The following SORBS2 variants were observed in gnomAD, a reference collection of about 807,000 sequenced individuals.
The protein encoded by SORBS2 is sorbin and SH3 domain containing 2, also known as sorbin and SH3 domain-containing protein 2.
A neutral mutation model predicts 97.7 loss-of-function variants in SORBS2; 46 were observed. That is an observed-to-expected ratio of 0.47 (90% CI 0.37 to 0.60). The LOEUF (loss-of-function observed/expected upper bound fraction) is 0.60, where lower values mean the gene tolerates loss of function less well. Among genes scored for constraint, SORBS2 ranks in the 20% least tolerant of loss-of-function variants. The pLI is 0.00. For synonymous variants in SORBS2, 476 were observed against 473.4 expected (o/e 1.01, Z -0.07); for missense variants, 1,316 against 1,282.3 (o/e 1.03, Z -0.40).
At chr4:185,593,758 G>C in intron 13 of SORBS2, 128 bp downstream of exon 25, 1 of 662,280 alleles carries the variant, frequency 1.5e-6, no homozygotes, top group Non-Finnish European at 2.7e-6. Context: ...ACAATTTCTC[G>C]TAATTTAAGA....
chr4:185,677,336 T>C, intron 4 of SORBS2: 1 of 1,552,406 alleles, frequency 6.4e-7, no homozygotes, highest in Non-Finnish European at 8.7e-7. Context: ...TGTAGTCCTC[T>C]TGTAGAACTG....
intron 1 of SORBS2, among the ~76,000 whole-genome samples, chr4:185,921,943 T>C (rs2099261111): frequency 6.6e-6 from 1 of 152,186 alleles, no homozygotes; most frequent in Non-Finnish European, 1.5e-5. Flanking sequence ...ACACTGCCAA[T>C]CACGTAAGCC....
Position 185,654,279 on chromosome 4 carries a change from A to C in SORBS2, c.25-1551T>G, listed in dbSNP as rs142753812. Among the ~76,000 whole-genome samples, 568 of 152,362 alleles carry C rather than the reference A, an allele frequency of 3.7e-3. 2 individuals carry two copies. Among genetic ancestry groups the C allele is most frequent in the African/African-American group, 0.013 (537 of 41,592 alleles). ...ATTTGCTGGTTCAAAGTTGCTAAAC[A>C]TGTATCTTTCAAGAAAGTTTATTTT... On this transcript the variant is annotated intron_variant, in intron 1 of 14. Coordinates refer to ENST00000418609, the Ensembl canonical transcript of SORBS2.
chr4:185,751,172 TAAA>T (rs71593649), intron 2 of SORBS2, among the ~76,000 whole-genome samples: 4 of 31,714 alleles, frequency 1.3e-4, no homozygotes, highest in Admixed American at 3.4e-4. Flanking sequence ...CTCTAAATAC[TAAA>T]AAAAAAAAAA....
At chr4:185,950,053 A>T (rs1349102604) in intron 1 of SORBS2, among the ~76,000 whole-genome samples, 1 of 152,162 alleles carries the variant, frequency 6.6e-6, no homozygotes, top group Non-Finnish European at 1.5e-5. Flanking sequence ...GGAGTTCGAA[A>T]CCAGCCTGGC....
At chr4:185,834,757 A>G (rs1043939169) in intron 1 of SORBS2, among the ~76,000 whole-genome samples, 2 of 152,232 alleles carry the variant, frequency 1.3e-5, no homozygotes, top group African/African-American at 2.4e-5. Context: ...TTTGATTTGT[A>G]CATAATAAAA....
intron 1 of SORBS2, among the ~76,000 whole-genome samples, chr4:185,923,472 A>ATTTTTTTTCTTTTTTTTT (rs2099261964): frequency 9.1e-6 from 1 of 110,478 alleles, no homozygotes; most frequent in Non-Finnish European, 1.8e-5. Context: ...CTTTTTTTTA[A>ATTTTTTTTCTTTTTTTTT]TTTTTTTTTT....
intron 14 of SORBS2, 106 bp from the exon 27 acceptor site, chr4:185,587,794 G>A (rs2095820944): frequency 2.3e-6 from 2 of 854,562 alleles, no homozygotes; most frequent in Non-Finnish European, 3.9e-6. Context: ...AGCAAGCCCC[G>A]AGGGGTTTGG....
At chr4:185,821,907 G>T (rs1158523801) in intron 1 of SORBS2, among the ~76,000 whole-genome samples, 1 of 152,156 alleles carries the variant, frequency 6.6e-6, no homozygotes, top group Non-Finnish European at 1.5e-5. Flanking sequence ...TCTGTGCAAG[G>T]TATTCATATT....
In SORBS2 at chr4:185,677,400, G is replaced by A. The variant is rs2097803324; in HGVS notation, c.-46+1023C>T. On this transcript the variant is annotated intron_variant, in intron 4 of 20. Transcript: ENST00000284776. ...ATCCGTGCTGGAAGCTGCTGGTAGT[G>A]GATTAGTGATTTTTTGTGTATATGA... 4 of 1,552,284 alleles carry A rather than the reference G, an allele frequency of 2.6e-6. No homozygotes were observed. The East Asian group carries it at 9.8e-5, about 38-fold the overall frequency.
intron 4 of SORBS2, 73 bp from the exon 15 acceptor site, chr4:185,638,235 A>G (rs2097057754): frequency 3.3e-6 from 3 of 910,828 alleles, no homozygotes; most frequent in Non-Finnish European, 5.4e-6. Context: ...GTGTGGCATG[A>G]AAAACTCACG....
intron 1 of SORBS2, among the ~76,000 whole-genome samples, chr4:185,872,142 G>T (rs1412066774): frequency 1.3e-5 from 2 of 152,120 alleles, no homozygotes; most frequent in South Asian, 2.1e-4. Flanking sequence ...TGTTCTGAAG[G>T]CACCCTTAAT....
intron 1 of SORBS2, among the ~76,000 whole-genome samples, chr4:185,951,097 G>T (rs935344387): frequency 2.6e-5 from 4 of 152,050 alleles, no homozygotes; most frequent in African/African-American, 7.2e-5. Flanking sequence ...AATGTTCTTG[G>T]TACCCTTCCA....
intron 1 of SORBS2, among the ~76,000 whole-genome samples, chr4:185,953,268 T>C (rs956660559): frequency 1.3e-5 from 2 of 152,184 alleles, no homozygotes; most frequent in Non-Finnish European, 2.9e-5. Context: ...GAGCCGAGAT[T>C]GCGCCACCGC....
chr4:185,653,765 C>A (rs1216081610), intron 1 of SORBS2, among the ~76,000 whole-genome samples: 1 of 152,184 alleles, frequency 6.6e-6, no homozygotes, highest in Non-Finnish European at 1.5e-5. Flanking sequence ...AAAGTAGACA[C>A]ATGCTTTTAT....
intron 1 of SORBS2, among the ~76,000 whole-genome samples, chr4:185,819,057 G>C (rs2099195109): frequency 6.6e-6 from 1 of 152,128 alleles, no homozygotes; most frequent in Admixed American, 6.5e-5. Flanking sequence ...GCAAACTCAA[G>C]TTGTGTTTCA....
chr4:185,909,458 T>C (rs1223150125), intron 1 of SORBS2, among the ~76,000 whole-genome samples: 1 of 152,022 alleles, frequency 6.6e-6, no homozygotes, highest in East Asian at 1.9e-4. Flanking sequence ...GGGTGATGGA[T>C]CTACCAAAAG....
At chr4:185,938,389 T>TACATAC (rs1554055086) in intron 1 of SORBS2, among the ~76,000 whole-genome samples, 7 of 136,524 alleles carry the variant, frequency 5.1e-5, no homozygotes, top group African/African-American at 1.9e-4. Flanking sequence ...TGTAGACACA[T>TACATAC]ACACACACAC....
At chr4:185,657,409 G>A, upstream of SORBS2, 1 of 1,524,892 alleles carries the variant, frequency 6.6e-7, no homozygotes, top group Non-Finnish European at 8.8e-7. Flanking sequence ...AGACGCACAC[G>A]CTGGCATTTC....
Sources: allele counts gnomAD v4.1 joint callset (sites outside exome capture counted in the v4.1 genomes callset), GRCh38; gene constraint gnomAD v4.1.1; transcripts MANE v1.5; gene names NCBI Gene and HGNC (gene_info 2026-07-23, HGNC 2026-07-21).